Variants in INSC observed in about 807,000 individuals in gnomAD.
INSC encodes INSC spindle orientation adaptor protein, also known as protein inscuteable homolog.
In INSC, 67 loss-of-function variants were observed where a neutral mutation model predicts 58.6. That is an observed-to-expected ratio of 1.14 (90% CI 0.94 to 1.40). The LOEUF is 1.40. Among genes scored for constraint, INSC ranks in the 40% most tolerant of loss-of-function variants. The probability of loss-of-function intolerance (pLI) is 0.00; values close to 1 mark genes in which losing one functional copy is unlikely to be tolerated. For missense variants in INSC, 714 were observed against 692.0 expected (o/e 1.03, Z -0.36); for synonymous variants, 262 against 276.1 (o/e 0.95, Z 0.51).
chr11:15,114,867 C>CGG, upstream of INSC: 2 of 753,018 alleles, frequency 2.7e-6, no homozygotes, highest in African/African-American at 1.3e-4. Context: ...GAGAACGGGG[C>CGG]GGGGGGTGGG....
chr11:15,113,564 C>A (rs943234983), upstream of INSC, among the ~76,000 whole-genome samples: 1 of 152,186 alleles, frequency 6.6e-6, no homozygotes, highest in African/African-American at 2.4e-5. Flanking sequence ...CCCAGCCAGG[C>A]GGCACCAAGC....
At chr11:15,260,784 A>G in the INSC span, among the ~76,000 whole-genome samples, 1 of 152,170 alleles carries the variant, frequency 6.6e-6, no homozygotes, top group Non-Finnish European at 1.5e-5. Flanking sequence ...ATGCATAAAC[A>G]CATGATGATG....
chr11:15,138,126 C>A (rs1848288861), intron 1 of INSC, among the ~76,000 whole-genome samples: 1 of 150,942 alleles, frequency 6.6e-6, no homozygotes, highest in Admixed American at 6.6e-5. Context: ...AGAACACATA[C>A]AAAACTTATT....
intron 1 of INSC, among the ~76,000 whole-genome samples, chr11:15,116,833 C>CTT (rs1401674977): frequency 2.5e-5 from 1 of 40,308 alleles, no homozygotes; most frequent in Non-Finnish European, 4.6e-5. Flanking sequence ...TTCTTTCTTT[C>CTT]TTTCTTTCTT....
chr11:15,225,698 C>T lies in INSC; in HGVS notation c.1040C>T (p.Ala347Val), dbSNP rs762539775. The T allele has an allele frequency of 3.7e-5, 60 of 1,614,022 alleles. 1 individual carries two copies. The highest frequency in any genetic ancestry group is 3.3e-4 in the Middle Eastern group (2 of 6,084). Residue 347 changes from alanine (A) to valine (V), a missense_variant, in exon 9 of 13, where the codon GCG becomes GTG. By Grantham distance (64) the Ala-to-Val change is moderately conservative. Transcript: ENST00000379556. ...GGGGAAGTCTTCCTACTGGCCTCTG[C>T]GGCCCTTGCCAACATCACGTTCTTT... is the stretch of plus-strand genomic sequence containing the variant. The part of the protein sequence containing the change: ...SSGEVFLLAS[A>V]ALANITFFDT...
intron 5 of INSC, 48 bp downstream of exon 5, chr11:15,178,495 G>A (rs1334040545): frequency 6.3e-7 from 1 of 1,581,300 alleles, no homozygotes; most frequent in South Asian, 1.1e-5. Flanking sequence ...TGGACCCTTG[G>A]AGGAAAGGAG....
chr11:15,140,473 AT>A (rs1417132386), intron 1 of INSC, among the ~76,000 whole-genome samples: 1 of 151,760 alleles, frequency 6.6e-6, no homozygotes, highest in Admixed American at 6.6e-5. Flanking sequence ...CCTTATTTGG[AT>A]TTCCCATGGT....
intron 10 of INSC, among the ~76,000 whole-genome samples, chr11:15,236,618 G>C (rs1011616346): frequency 1.3e-5 from 2 of 152,230 alleles, no homozygotes; most frequent in Non-Finnish European, 2.9e-5. Context: ...GATCTAAGCT[G>C]TTTCTGCCAA....
chr11:15,177,190 G>T (rs745384335), intron 4 of INSC, 27 bp downstream of exon 4: 10 of 1,605,720 alleles, frequency 6.2e-6, no homozygotes, highest in Non-Finnish European at 4.3e-6. Context: ...GATCTCCCAG[G>T]GTCTGCCCAC....
At chr11:15,133,376 C>G (rs902619040) in intron 1 of INSC, among the ~76,000 whole-genome samples, 2 of 152,086 alleles carry the variant, frequency 1.3e-5, no homozygotes, top group African/African-American at 4.8e-5. Flanking sequence ...TATTTTATAG[C>G]CTTTGTTCTT....
At chr11:15,239,584 G>A (rs1852265063) in intron 11 of INSC, among the ~76,000 whole-genome samples, 2 of 152,124 alleles carry the variant, frequency 1.3e-5, no homozygotes, top group African/African-American at 4.8e-5. Context: ...GCTAAGCTCT[G>A]TTCTGAGCGC....
chr11:15,150,095 CAG>C (rs1250719494), intron 2 of INSC, among the ~76,000 whole-genome samples: 1 of 152,112 alleles, frequency 6.6e-6, no homozygotes, highest in Non-Finnish European at 1.5e-5. Flanking sequence ...AGGTGAGCAA[CAG>C]AGAGAGGGTG....
At chr11:15,188,761 T>A (rs1850062642) in intron 5 of INSC, among the ~76,000 whole-genome samples, 1 of 152,270 alleles carries the variant, frequency 6.6e-6, no homozygotes, top group Non-Finnish European at 1.5e-5. Context: ...TCGAATTGTT[T>A]AATGTAATGC....
intron 9 of INSC, among the ~76,000 whole-genome samples, chr11:15,229,494 G>A (rs983817071): frequency 6.6e-6 from 1 of 152,160 alleles, no homozygotes; most frequent in Non-Finnish European, 1.5e-5. Flanking sequence ...TCCCAGCTAT[G>A]TGACCTTGGA....
chr11:15,185,265 CCT>C (rs1357082702), intron 5 of INSC, among the ~76,000 whole-genome samples: 1 of 152,122 alleles, frequency 6.6e-6, no homozygotes, highest in Non-Finnish European at 1.5e-5. Flanking sequence ...TACACAAACT[CCT>C]CTCATTTCCC....
intron 4 of INSC, among the ~76,000 whole-genome samples, chr11:15,177,646 A>G (rs1433272630): frequency 6.6e-6 from 1 of 152,188 alleles, no homozygotes; most frequent in African/African-American, 2.4e-5. Flanking sequence ...ACATAAACCT[A>G]CATATGTTTA....
intron 10 of INSC, among the ~76,000 whole-genome samples, chr11:15,236,061 A>C (rs1373232709): frequency 1.4e-4 from 21 of 149,436 alleles, no homozygotes. Context: ...GTCTCAAAAA[A>C]AAAAAAAAAA....
At chr11:15,207,996 T>C (rs1370425048) in intron 7 of INSC, among the ~76,000 whole-genome samples, 1 of 152,124 alleles carries the variant, frequency 6.6e-6, no homozygotes, top group East Asian at 1.9e-4. Flanking sequence ...CTGGTCCCAT[T>C]AGGTGAATGG....
chr11:15,250,548 C>G (rs1160072432), downstream of INSC, among the ~76,000 whole-genome samples: 1 of 152,204 alleles, frequency 6.6e-6, no homozygotes, highest in Admixed American at 6.5e-5. Context: ...CGCATCTCCA[C>G]TGAATGTCAT....
Sources: allele counts gnomAD v4.1 joint callset (sites outside exome capture counted in the v4.1 genomes callset), GRCh38; gene constraint gnomAD v4.1.1; transcripts MANE v1.5; gene names NCBI Gene and HGNC (gene_info 2026-07-23, HGNC 2026-07-21).